BICDL1: variants seen among roughly 807,000 people sequenced by gnomAD.
BICDL1 encodes the protein BICD family like cargo adaptor 1.
Under a neutral mutation model 76.8 loss-of-function variants are expected in BICDL1, and 20 were observed. That is an observed-to-expected ratio of 0.26 (90% CI 0.18 to 0.38). The LOEUF is 0.38. BICDL1 is among the 10% of genes least tolerant of loss of function. BICDL1 has a pLI of 1.00. For synonymous variants in BICDL1, 383 were observed against 337.1 expected, an observed-to-expected ratio of 1.14 and a Z score of -1.49; for missense variants, 700 against 798.6, an observed-to-expected ratio of 0.88 and a Z score of 1.49.
chr12:120,041,444 T>C (rs937231570), intron 2 of BICDL1, among the ~76,000 whole-genome samples: 4 of 152,196 alleles, frequency 2.6e-5, no homozygotes, highest in African/African-American at 9.7e-5. Context: ...TTCAAATTTG[T>C]CTGCTATGTG....
chr12:120,011,282 C>T (rs931084384), intron 2 of BICDL1, among the ~76,000 whole-genome samples: 1 of 152,156 alleles, frequency 6.6e-6, no homozygotes, highest in Non-Finnish European at 1.5e-5. Flanking sequence ...TACTCAGTTA[C>T]AAGAAAACCT....
intron 2 of BICDL1, among the ~76,000 whole-genome samples, chr12:120,015,166 G>A (rs1209918111): frequency 6.6e-6 from 1 of 152,130 alleles, no homozygotes; most frequent in East Asian, 1.9e-4. Context: ...GCTTGTTGAA[G>A]CTTTCTTAAC....
intron 1 of BICDL1, among the ~76,000 whole-genome samples, chr12:119,991,709 G>A (rs1181644436): frequency 6.6e-6 from 1 of 151,600 alleles, no homozygotes; most frequent in Non-Finnish European, 1.5e-5. Flanking sequence ...TTCAGTGAAG[G>A]ACTTGATTGA....
In BICDL1 at chr12:120,081,141, ACCCACCCCCACC is replaced by A. The variant is rs551191409; in HGVS notation, c.1583+141_1583+152del. 4.9e-3 allele frequency: 3,992 copies of A among 818,144 alleles called. 30 individuals carry two copies. Among genetic ancestry groups the A allele is most frequent in the Non-Finnish European group, 5.7e-3 (3,185 of 562,696 alleles). 50.7% of individuals were successfully genotyped at this position (818,144 alleles called of 1,614,324 possible). A position where few individuals can be genotyped will look rare whatever the true frequency, so the allele number is the denominator to read the frequency against. ...AAAGGTAAAAGTTAGTTTCCCCGCT[ACCCACCCCCACC>A]CCCACCCCCACCCCCATTCCCATTC... On this transcript the variant is annotated intron_variant, in intron 8 of 9. Coordinates refer to ENST00000548673, the MANE Select transcript of BICDL1 (RefSeq NM_001367886.1).
At chr12:120,015,631 T>C (rs896269753) in intron 2 of BICDL1, among the ~76,000 whole-genome samples, 9 of 152,230 alleles carry the variant, frequency 5.9e-5, no homozygotes, top group Admixed American at 3.3e-4. Flanking sequence ...GAGCACCTTA[T>C]CTGGAAACTT....
At chr12:120,064,469 T>C (rs1953176775) in intron 3 of BICDL1, among the ~76,000 whole-genome samples, 2 of 151,680 alleles carry the variant, frequency 1.3e-5, no homozygotes. Context: ...TCCAGAGCAC[T>C]AGCCTTCCCT....
At chr12:120,065,993 T>G (rs570516489) in intron 4 of BICDL1, among the ~76,000 whole-genome samples, 40 of 152,320 alleles carry the variant, frequency 2.6e-4, no homozygotes, top group Non-Finnish European at 3.2e-4. Flanking sequence ...CAATGTTGAG[T>G]AGAAAATGGT....
rs554820692 is a variant in BICDL1 at position 120,092,447 on chromosome 12, C to G, written c.1705-553C>G. ...CAGCAGCAGGGTCTAGGGCAGCACC[C>G]AGGGCATCCTTGCCACGTGAGGCTG... On this transcript the variant is annotated intron_variant, in intron 9 of 9. Coordinates refer to ENST00000548673, the MANE Select transcript of BICDL1 (RefSeq NM_001367886.1). 7.2e-5 allele frequency: 71 copies of G among 985,466 alleles called. No homozygotes were observed. The South Asian group carries it at 3.1e-3, about 42-fold the overall frequency. The allele number at this position is 985,466 out of a possible 1,614,324, so 61.0% of individuals were successfully genotyped here. A position where few individuals can be genotyped will look rare whatever the true frequency, so the allele number is the denominator to read the frequency against.
At chr12:119,996,943 CAAA>C (rs1025116160) in intron 1 of BICDL1, among the ~76,000 whole-genome samples, 1 of 148,518 alleles carries the variant, frequency 6.7e-6, no homozygotes, top group Non-Finnish European at 1.5e-5. Flanking sequence ...ATCTCAGAAA[CAAA>C]AAGATTTTTT....
chr12:120,058,550 T>C (rs1439592332), intron 2 of BICDL1, among the ~76,000 whole-genome samples: 4 of 152,266 alleles, frequency 2.6e-5, no homozygotes, highest in African/African-American at 9.6e-5. Flanking sequence ...AGCATGTGAT[T>C]TCCTGATGGG....
At chr12:120,085,176 C>T (rs985264644) in intron 8 of BICDL1, among the ~76,000 whole-genome samples, 9 of 151,968 alleles carry the variant, frequency 5.9e-5, no homozygotes, top group Non-Finnish European at 1.0e-4. Flanking sequence ...TGGGGTGCAG[C>T]GGCTCAGGCC....
At chr12:120,072,915 G>A (rs1004486493) in intron 6 of BICDL1, among the ~76,000 whole-genome samples, 186 bp downstream of exon 6, 6 of 152,144 alleles carry the variant, frequency 3.9e-5, no homozygotes, top group African/African-American at 1.2e-4. Flanking sequence ...CTGTTACCCC[G>A]GCTGGAGTGA....
intron 8 of BICDL1, 128 bp from the exon 9 acceptor site, chr12:120,089,823 G>C: frequency 9.3e-7 from 1 of 1,076,826 alleles, no homozygotes; most frequent in East Asian, 2.4e-5. Context: ...TATTGTTGCA[G>C]CTGCTATTTG....
chr12:120,015,455 C>A (rs1008619446), intron 2 of BICDL1, among the ~76,000 whole-genome samples: 5 of 152,190 alleles, frequency 3.3e-5, no homozygotes, highest in Admixed American at 6.5e-5. Context: ...TTCATGAGAA[C>A]TTTGCTGTTC....
At chr12:120,078,357 A>G (rs769725744) in intron 7 of BICDL1, among the ~76,000 whole-genome samples, 1 of 152,250 alleles carries the variant, frequency 6.6e-6, no homozygotes, top group African/African-American at 2.4e-5. Context: ...TGAACAAAAG[A>G]GCAAATTAAG....
At chr12:120,033,247 A>G (rs898602488) in intron 2 of BICDL1, among the ~76,000 whole-genome samples, 18 of 151,190 alleles carry the variant, frequency 1.2e-4, no homozygotes, top group East Asian at 3.9e-4. Flanking sequence ...GAACTGTTCT[A>G]TGTCTGGTGC....
At chr12:119,995,412 C>G (rs1205489580) in intron 1 of BICDL1, among the ~76,000 whole-genome samples, 2 of 152,186 alleles carry the variant, frequency 1.3e-5, no homozygotes, top group African/African-American at 4.8e-5. Flanking sequence ...CACCACCTGT[C>G]CTCAGCCCTG....
At chr12:120,051,548 A>G (rs73410825) in intron 2 of BICDL1, among the ~76,000 whole-genome samples, 3,957 of 151,670 alleles carry the variant, frequency 0.026, 173 homozygotes, top group African/African-American at 0.09. Context: ...ATTTATGGAG[A>G]TTATTTGATC....
chr12:120,059,765 G>A (rs1445446260), intron 2 of BICDL1, among the ~76,000 whole-genome samples: 1 of 152,024 alleles, frequency 6.6e-6, no homozygotes, highest in Non-Finnish European at 1.5e-5. Context: ...CTGTAGTGCA[G>A]TGGCAGCACG....
Sources: gnomAD v4.1 joint callset for allele counts (sites outside exome capture counted in the v4.1 genomes callset) on GRCh38, gnomAD v4.1.1 for gene constraint, MANE v1.5 for transcripts, NCBI Gene and HGNC (gene_info 2026-07-23, HGNC 2026-07-21) for gene names.